Variants in WDR70 observed in about 807,000 individuals in gnomAD.
WDR70 encodes the protein WD repeat-containing protein 70.
A neutral mutation model predicts 88.6 loss-of-function variants in WDR70; 53 were observed. That is an observed-to-expected ratio of 0.60 (90% confidence interval 0.48 to 0.75). WDR70 has a LOEUF of 0.75. WDR70 is among the 30% of genes least tolerant of loss of function. The pLI is 0.00. For synonymous variants in WDR70, 280 were observed against 270.0 expected (o/e 1.04, Z -0.36); for missense variants, 610 against 823.2 (o/e 0.74, Z 3.17).
intron 7 of WDR70, among the ~76,000 whole-genome samples, chr5:37,454,187 C>A (rs1358831991): frequency 6.6e-6 from 1 of 152,078 alleles, no homozygotes; most frequent in Admixed American, 6.5e-5. Context: ...ATTTCTTTTT[C>A]TGGAGGATCT....
At chr5:37,424,426 A>G (rs2112003489) in intron 5 of WDR70, among the ~76,000 whole-genome samples, 1 of 147,234 alleles carries the variant, frequency 6.8e-6, no homozygotes, top group South Asian at 2.2e-4. Flanking sequence ...TTTTTAAGGG[A>G]CAGGGTCTTG....
intron 7 of WDR70, 24 bp from the exon 8 acceptor site, chr5:37,479,809 CA>C (rs1561868219): frequency 2.5e-6 from 4 of 1,595,078 alleles, no homozygotes; most frequent in Non-Finnish European, 3.4e-6. Flanking sequence ...AGTATCTTAC[CA>C]ACTTTCCTTT....
In WDR70 at chr5:37,703,079, A is replaced by T; in HGVS notation, c.1408A>T (p.Thr470Ser). ...CCAAAGGGTGTATGAAATAGACATC[A>T]CAGATGCGGTACGTATATTCTTTTC... is the stretch of plus-strand genomic sequence containing the variant. ...TFQRVYEIDI[T>S]DASVVRCLWH... The change falls in exon 13 of 18, where the codon ACA becomes TCA. Residue 470 changes from threonine to serine, a missense_variant. Physicochemically the swap from Thr to Ser is moderately conservative, Grantham distance 58. Transcript: ENST00000265107. 1 of 1,610,404 alleles carries T rather than the reference A, an allele frequency of 6.2e-7. No individual in the cohort carries two copies. The highest frequency in any genetic ancestry group is 2.2e-5 in the East Asian group (1 of 44,760).
In WDR70 at chr5:37,533,687, T is replaced by C. The variant is rs576535561; in HGVS notation, c.917+17097T>C. 2.6e-3 allele frequency among the ~76,000 whole-genome samples: 397 copies of C among 152,266 alleles called. 1 individual carries two copies. Among genetic ancestry groups the C allele is most frequent in the Non-Finnish European group, 3.4e-3 (229 of 68,016 alleles). ...TGGGCATGGGGCTCGCTTTGGCTGCTGTGGGGGATGGGGGTGTGGTTCCTA... is the reference window on the plus strand; with the variant it reads ...TGGGCATGGGGCTCGCTTTGGCTGCCGTGGGGGATGGGGGTGTGGTTCCTA... On this transcript the variant is annotated intron_variant, in intron 9 of 17. Transcript: ENST00000265107.
rs369084743 is a variant in WDR70, at chr5:37,677,673, A to G, written c.1093-19982A>G. ...CTTCCAACTATGTGGTCAATTTTGGAATAGGTGTGGGGTGGTGCTGAAAAA... is the reference window on the plus strand; with the variant it reads ...CTTCCAACTATGTGGTCAATTTTGGGATAGGTGTGGGGTGGTGCTGAAAAA... On this transcript the variant is annotated intron_variant, in intron 10 of 17. Coordinates refer to ENST00000265107, the MANE Select transcript of WDR70 (RefSeq NM_018034.4). 1.0e-4 allele frequency among the ~76,000 whole-genome samples: 14 copies of G among 134,422 alleles called. No individual in the cohort carries two copies. The East Asian group carries it at 2.3e-3, about 22-fold the overall frequency. The allele number at this position is 134,422 out of a possible 152,430, so 88.2% of individuals were successfully genotyped here.
chr5:37,557,401 G>A (rs895065955), intron 9 of WDR70, among the ~76,000 whole-genome samples: 2 of 152,092 alleles, frequency 1.3e-5, no homozygotes, highest in Non-Finnish European at 2.9e-5. Context: ...AGACTTTGTG[G>A]AGACCAGGAC....
intron 5 of WDR70, among the ~76,000 whole-genome samples, chr5:37,406,799 A>G (rs142486757): frequency 2.0e-4 from 31 of 152,364 alleles, no homozygotes; most frequent in Non-Finnish European, 8.8e-5. Context: ...TCACTCATGC[A>G]TCATACCAAC....
chr5:37,387,675 C>CA (rs1748668870), intron 3 of WDR70, among the ~76,000 whole-genome samples: 3 of 149,800 alleles, frequency 2.0e-5, no homozygotes, highest in Admixed American at 2.0e-4. Context: ...AGTGTTCTTC[C>CA]ATACTTGGCA....
At chr5:37,544,423 T>TA (rs1455575698) in intron 9 of WDR70, among the ~76,000 whole-genome samples, 5 of 152,216 alleles carry the variant, frequency 3.3e-5, no homozygotes, top group Non-Finnish European at 7.3e-5. Context: ...TTCTTAGGAA[T>TA]ACACTTGGAG....
Position 37,600,019 on chromosome 5 carries a change from C to T in WDR70, c.918-5045C>T, listed in dbSNP as rs560469805. On this transcript the variant is annotated intron_variant, in intron 9 of 17. Transcript: ENST00000265107. ...AAACATAGGAGAAAATATTTTTAAC[C>T]TTGGATTAGGCAGTGAGTTCTTAGA... Among the ~76,000 whole-genome samples the T allele has an allele frequency of 2.6e-5, 4 of 151,874 alleles. No individual in the cohort carries two copies. The East Asian group carries it at 5.8e-4, about 22-fold the overall frequency.
At chr5:37,385,700 G>T (rs1020792078) in intron 3 of WDR70, among the ~76,000 whole-genome samples, 8 of 151,902 alleles carry the variant, frequency 5.3e-5, no homozygotes, top group Admixed American at 1.3e-4. Context: ...ACTTAGGTGG[G>T]ATCCAAAGGG....
At chr5:37,446,322 C>T (rs1252967938) in intron 7 of WDR70, among the ~76,000 whole-genome samples, 8 of 152,196 alleles carry the variant, frequency 5.3e-5, no homozygotes, top group African/African-American at 1.9e-4. Flanking sequence ...ATTCCATGCT[C>T]ATGGATAGGA....
In WDR70 at chr5:37,381,748, T is replaced by C. The variant is rs899441965; in HGVS notation, c.175+63T>C. 2.6e-6 allele frequency: 4 copies of C among 1,527,328 alleles called. No individual in the cohort carries two copies. The African/African-American group carries it at 5.5e-5, about 21-fold the overall frequency. 94.6% of individuals were successfully genotyped at this position (1,527,328 alleles called of 1,614,324 possible). On this transcript the variant is annotated intron_variant, in intron 3 of 17. Coordinates refer to ENST00000265107, the MANE Select transcript of WDR70 (RefSeq NM_018034.4). ...GTACTATGTATACCTCATGCAAGTA[T>C]ATTAAAAAAGAGAAAAGAATGTTGG...
chr5:37,744,478 A>G (rs1254956949), intron 17 of WDR70, among the ~76,000 whole-genome samples: 1 of 152,124 alleles, frequency 6.6e-6, no homozygotes, highest in African/African-American at 2.4e-5. Flanking sequence ...ATAAAAAGCT[A>G]TGATGAGCTA....
At chr5:37,742,263 G>GTTTTTTTTTTTTTTTTTTTCTTTTTTT (rs549421990) in intron 17 of WDR70, among the ~76,000 whole-genome samples, 1 of 123,680 alleles carries the variant, frequency 8.1e-6, no homozygotes. Context: ...ATTATCTGTT[G>GTTTTTTTTTTTTTTTTTTTCTTTTTTT]TTTTTTTTTT....
At chr5:37,463,122 A>G (rs1739059988) in intron 7 of WDR70, among the ~76,000 whole-genome samples, 1 of 152,062 alleles carries the variant, frequency 6.6e-6, no homozygotes, top group South Asian at 2.1e-4. Flanking sequence ...AAATACAAAA[A>G]TTAGCCCAGC....
rs751302447 is a variant in WDR70 at position 37,701,090 on chromosome 5, CAATTT to C, written c.1229_1233del (p.Phe410Ter). 1.2e-6 allele frequency: 2 copies of C among 1,612,590 alleles called. No individual in the cohort carries two copies. The highest frequency in any genetic ancestry group is 3.3e-5 in the Admixed American group (2 of 60,014). On this transcript the variant is annotated frameshift_variant, in exon 12 of 18. Coordinates refer to ENST00000265107, the MANE Select transcript of WDR70 (RefSeq NM_018034.4). LOFTEE classifies it high-confidence loss of function. ...TTCATTAAAATTATGGGACATCCGACAATTTAATAAACCACTTTTTTCAGCCTCGG... is the reference window on the plus strand; with the variant it reads ...TTCATTAAAATTATGGGACATCCGACAATAAACCACTTTTTTCAGCCTCGG...
intron 7 of WDR70, among the ~76,000 whole-genome samples, chr5:37,461,921 TG>T (rs1197222975): frequency 6.6e-6 from 1 of 152,204 alleles, no homozygotes; most frequent in Non-Finnish European, 1.5e-5. Context: ...AGGGCATCCT[TG>T]CTGCTTTGAG....
chr5:37,712,683 T>C (rs896439153), intron 13 of WDR70, among the ~76,000 whole-genome samples: 2 of 152,128 alleles, frequency 1.3e-5, no homozygotes, highest in African/African-American at 4.8e-5. Context: ...TTATTATCTC[T>C]TTAAAAAAAA....
Sources: allele counts gnomAD v4.1 joint callset (sites outside exome capture counted in the v4.1 genomes callset), GRCh38; gene constraint gnomAD v4.1.1; transcripts MANE v1.5; gene names NCBI Gene and HGNC (gene_info 2026-07-23, HGNC 2026-07-21).